ADGRD1: variants seen among roughly 807,000 people sequenced by gnomAD.
ADGRD1 encodes the protein adhesion G protein-coupled receptor D1, also known as G-protein coupled receptor 133.
A neutral mutation model predicts 113.4 loss-of-function variants in ADGRD1; 77 were observed. The observed-to-expected ratio is 0.68, with a 90% CI of 0.57 to 0.82. The LOEUF (loss-of-function observed/expected upper bound fraction) is 0.82. Ranked by LOEUF, ADGRD1 falls within the 40% of genes least tolerant of loss-of-function variation. The pLI, the probability that ADGRD1 is intolerant of heterozygous loss-of-function variation, is 0.00. For missense variants in ADGRD1, 1,036 were observed against 1,139.1 expected (o/e 0.91, Z 1.30); for synonymous variants, 474 against 475.0 (o/e 1.00, Z 0.03).
chr12:130,982,200 T>G, intron 5 of ADGRD1, 137 bp downstream of exon 5: 2 of 750,656 alleles, frequency 2.7e-6, no homozygotes. Flanking sequence ...TCCTTTCCTT[T>G]AAGGGTTGTT....
chr12:131,002,126 G>A (rs183258358), intron 9 of ADGRD1, among the ~76,000 whole-genome samples: 1 of 152,280 alleles, frequency 6.6e-6, no homozygotes, highest in Non-Finnish European at 1.5e-5. Context: ...CTGCAGGCTG[G>A]GAACACCCAG....
At chr12:131,134,664 G>C (rs1342220220) in intron 21 of ADGRD1, among the ~76,000 whole-genome samples, 1 of 152,222 alleles carries the variant, frequency 6.6e-6, no homozygotes, top group Non-Finnish European at 1.5e-5. Context: ...TACAGGCACC[G>C]GTTGCCCGGA....
chr12:131,138,943 G>A (rs889570395), intron 24 of ADGRD1, among the ~76,000 whole-genome samples: 3 of 152,186 alleles, frequency 2.0e-5, no homozygotes, highest in Non-Finnish European at 4.4e-5. Context: ...CACGCCTGCA[G>A]TGCCCTTAAG....
chr12:131,127,206 T>A (rs916275582), intron 20 of ADGRD1, among the ~76,000 whole-genome samples: 2 of 152,270 alleles, frequency 1.3e-5, no homozygotes, highest in Non-Finnish European at 2.9e-5. Context: ...TTAACTGTTA[T>A]GAAACACTTA....
chr12:131,131,385 C>T (rs180704145), intron 20 of ADGRD1, among the ~76,000 whole-genome samples: 74 of 152,314 alleles, frequency 4.9e-4, no homozygotes, highest in Non-Finnish European at 5.9e-4. Flanking sequence ...CACTGAGGCT[C>T]CGAGGACCTG....
chr12:130,980,841 A>G (rs1462049841), intron 4 of ADGRD1: 2 of 152,370 alleles, frequency 1.3e-5, no homozygotes, highest in East Asian at 3.9e-4. Context: ...TTACTGTAAT[A>G]TACTGCCACA....
chr12:131,045,040 G>A (rs1315868583), intron 13 of ADGRD1, among the ~76,000 whole-genome samples: 1 of 152,244 alleles, frequency 6.6e-6, no homozygotes, highest in Non-Finnish European at 1.5e-5. Flanking sequence ...GGGTTTCTGC[G>A]GCGTGTGCCA....
chr12:131,104,615 T>A (rs1358835695), intron 15 of ADGRD1, among the ~76,000 whole-genome samples: 1 of 151,922 alleles, frequency 6.6e-6, no homozygotes, highest in Non-Finnish European at 1.5e-5. Context: ...GTAGGGCACC[T>A]CGGGGCACCG....
chr12:130,969,169 G>A (rs1871335146), intron 3 of ADGRD1: 2 of 714,006 alleles, frequency 2.8e-6, no homozygotes, highest in African/African-American at 1.8e-5. Context: ...AATTCACTAT[G>A]TCTTGGCTAG....
rs1193763348 is a variant in ADGRD1 at position 130,996,968 on chromosome 12, C to A, written c.967-3415C>A. ...GGCTGGCCGGGTGGGGGGCTGACCC[C>A]CCAACCTCCCTCCCGGATGGGGCGG... is the stretch of plus-strand genomic sequence containing the variant. On this transcript the variant is annotated intron_variant, in intron 8 of 24. Coordinates refer to ENST00000261654, the MANE Select transcript of ADGRD1 (RefSeq NM_198827.5). Among the ~76,000 whole-genome samples, 3 of 137,792 alleles carry A rather than the reference C, an allele frequency of 2.2e-5. 1 individual carries two copies. Among genetic ancestry groups the A allele is most frequent in the Non-Finnish European group, 4.8e-5 (3 of 63,056 alleles). 90.4% of individuals were successfully genotyped at this position (137,792 alleles called of 152,430 possible).
At position 131,139,351 on chromosome 12, in the gene ADGRD1, C is replaced by T; in HGVS notation, c.*88C>T. On this transcript the variant is annotated 3_prime_UTR_variant, in exon 25 of 25. Coordinates refer to ENST00000261654, the MANE Select transcript of ADGRD1 (RefSeq NM_198827.5). ...TGCCCCACCTTTGCCCATGGACCCT[C>T]TCCTTGCTGCTGTCTGGACATGGGT... is the stretch of plus-strand genomic sequence containing the variant. 1 of 871,814 alleles carries T rather than the reference C, an allele frequency of 1.1e-6. No individual in the cohort carries two copies. Among genetic ancestry groups the T allele is most frequent in the Non-Finnish European group, 1.8e-6 (1 of 547,380 alleles). The allele number at this position is 871,814 out of a possible 1,614,324, so 54.0% of individuals were successfully genotyped here.
At chr12:131,005,223 A>G (rs1030272791) in intron 11 of ADGRD1, among the ~76,000 whole-genome samples, 20 of 152,296 alleles carry the variant, frequency 1.3e-4, no homozygotes, top group African/African-American at 4.3e-4. Flanking sequence ...AGAGGCAGGG[A>G]TGTCCCTACC....
At chr12:131,006,791 A>C (rs1877184423) in intron 12 of ADGRD1, among the ~76,000 whole-genome samples, 1 of 152,118 alleles carries the variant, frequency 6.6e-6, no homozygotes, top group Admixed American at 6.5e-5. Flanking sequence ...CTTCTGCGTC[A>C]GATTTCTTGG....
At chr12:131,125,056 C>T (rs1950709342) in intron 20 of ADGRD1, among the ~76,000 whole-genome samples, 1 of 152,140 alleles carries the variant, frequency 6.6e-6, no homozygotes, top group African/African-American at 2.4e-5. Flanking sequence ...CATGCTTTTC[C>T]CTCTGTGCAT....
intron 15 of ADGRD1, among the ~76,000 whole-genome samples, chr12:131,087,507 G>A (rs936788593): frequency 6.6e-6 from 1 of 152,248 alleles, no homozygotes; most frequent in African/African-American, 2.4e-5. Context: ...CTTGCGTGCC[G>A]GGGCTTTCCG....
intron 18 of ADGRD1, among the ~76,000 whole-genome samples, chr12:131,115,257 G>A (rs1288502510): frequency 2.0e-5 from 3 of 152,216 alleles, no homozygotes; most frequent in Admixed American, 2.0e-4. Context: ...ACCGCCTCGA[G>A]CTATGTGAGG....
intron 4 of ADGRD1, 38 bp from the exon 5 acceptor site, chr12:130,981,846 T>C: frequency 6.7e-7 from 1 of 1,484,506 alleles, no homozygotes; most frequent in Non-Finnish European, 9.3e-7. Context: ...TCAAGTCCCC[T>C]GCTCTCTGTG....
rs144900376 is a variant in ADGRD1, at chr12:131,104,926, C to T, written c.1767C>T (p.Ala589=). 9.7e-6 allele frequency: 15 copies of T among 1,549,014 alleles called. No homozygotes were observed. The highest frequency in any genetic ancestry group is 3.9e-5 in the Admixed American group (2 of 50,960). ...TGGTGGCCACGCTGGTCACCTTCGC[C>T]GTGCTGTCGTGAGTCCCCTTTTCTA... The part of the protein sequence containing the change: ...LCLVATLVTF[A]VLSSVSTIRN... Residue 589 remains alanine (A), a synonymous_variant, in exon 16 of 25, where the codon GCC becomes GCT. Transcript: ENST00000261654.
rs78638447 is a variant in ADGRD1, at chr12:131,014,257, T to G, written c.1390T>G (p.Ser464Ala). The G allele has an allele frequency of 5.7e-3, 9,211 of 1,614,006 alleles. 412 individuals carry two copies. In the African/African-American group the frequency reaches 0.1, roughly 18 times the overall value. Residue 464 changes from serine (S) to alanine (A), a missense_variant, in exon 13 of 25, where the codon TCC (serine) becomes GCC (alanine). Coordinates refer to ENST00000261654, the MANE Select transcript of ADGRD1 (RefSeq NM_198827.5). ...GCTGTTCGCCACCAGCCACCTGATTTCCCTGGAGGTGTCCCCACCACCCAC... is the reference window on the plus strand; with the variant it reads ...GCTGTTCGCCACCAGCCACCTGATTGCCCTGGAGGTGTCCCCACCACCCAC... ...CLLFATSHLI[S>A]LEVSPPPTLS...
Sources: gnomAD v4.1 joint callset for allele counts (sites outside exome capture counted in the v4.1 genomes callset) on GRCh38, gnomAD v4.1.1 for gene constraint, MANE v1.5 for transcripts, NCBI Gene and HGNC (gene_info 2026-07-23, HGNC 2026-07-21) for gene names.